The following ARNT2 variants were observed in gnomAD, a reference collection of about 807,000 sequenced individuals.
The protein encoded by ARNT2 is aryl hydrocarbon receptor nuclear translocator 2.
In ARNT2, 36 loss-of-function variants were observed where a neutral mutation model predicts 91.7. The ratio of observed to expected loss-of-function variants is 0.39; its 90% CI spans 0.30 to 0.52. The LOEUF (loss-of-function observed/expected upper bound fraction) is 0.52. Among genes scored for constraint, ARNT2 ranks in the 20% least tolerant of loss-of-function variants. The pLI is 0.72. For synonymous variants in ARNT2, 365 were observed against 347.1 expected (o/e 1.05, Z -0.57); for missense variants, 775 against 939.3 (o/e 0.83, Z 2.29).
At chr15:80,461,213 T>TAA (rs1896547322) in intron 3 of ARNT2, among the ~76,000 whole-genome samples, 1 of 152,214 alleles carries the variant, frequency 6.6e-6, no homozygotes. Flanking sequence ...TCAATGTGTA[T>TAA]AAGTGCAATT....
rs1314094657 is a variant in ARNT2 at position 80,596,072 on chromosome 15, A to C, written c.*2374A>C. The C allele has an allele frequency of 6.6e-6, 1 of 152,224 alleles. No individual in the cohort carries two copies. Among genetic ancestry groups the C allele is most frequent in the East Asian group, 1.9e-4 (1 of 5,196 alleles). 9.4% of individuals were successfully genotyped at this position (152,224 alleles called of 1,614,324 possible). ...GGTGCATACACAGACCCAGGTGAAC[A>C]CGCTGACTGTGAACCTGCCCTGTAT... On this transcript the variant is annotated 3_prime_UTR_variant, in exon 19 of 19. Transcript: ENST00000303329.
chr15:80,593,589 C>G lies in ARNT2; in HGVS notation c.2056-11C>G. 6.3e-7 allele frequency: 1 copy of G among 1,577,862 alleles called. No homozygotes were observed. The highest frequency in any genetic ancestry group is 8.6e-7 in the Non-Finnish European group (1 of 1,158,960). ...GACTCCCCTGTGGCTCTCTTTTCCT[C>G]TCCTCTGCAGGACATGCTGCCCATG... On this transcript the variant is annotated splice_polypyrimidine_tract_variant and intron_variant, in intron 18 of 18. Transcript: ENST00000303329.
intron 3 of ARNT2, among the ~76,000 whole-genome samples, chr15:80,465,367 T>C (rs888449793): frequency 6.6e-6 from 1 of 152,090 alleles, no homozygotes; most frequent in Non-Finnish European, 1.5e-5. Context: ...GGAGAAGCTT[T>C]ATGTTTATTT....
At chr15:80,578,083 G>A (rs1898715270) in intron 15 of ARNT2, among the ~76,000 whole-genome samples, 1 of 152,228 alleles carries the variant, frequency 6.6e-6, no homozygotes, top group Non-Finnish European at 1.5e-5. Context: ...CTCCGTTGAT[G>A]CCAAGCCCTG....
chr15:80,504,909 A>T (rs1897252735), intron 5 of ARNT2, among the ~76,000 whole-genome samples: 1 of 151,916 alleles, frequency 6.6e-6, no homozygotes. Context: ...GCCTGCGTGG[A>T]GTGGTGGGAT....
chr15:80,492,028 C>G (rs930073917), intron 5 of ARNT2, among the ~76,000 whole-genome samples: 1 of 151,786 alleles, frequency 6.6e-6, no homozygotes, highest in Non-Finnish European at 1.5e-5. Flanking sequence ...TGCAGAGTGT[C>G]CTTCTTTCTT....
At chr15:80,419,375 A>G (rs1214189674) in intron 1 of ARNT2, among the ~76,000 whole-genome samples, 1 of 152,232 alleles carries the variant, frequency 6.6e-6, no homozygotes, top group African/African-American at 2.4e-5. Flanking sequence ...GCTGGGCTCA[A>G]TCGCCCATTT....
At chr15:80,532,554 T>A (rs1897756251) in intron 8 of ARNT2, among the ~76,000 whole-genome samples, 1 of 152,226 alleles carries the variant, frequency 6.6e-6, no homozygotes, top group Admixed American at 6.5e-5. Flanking sequence ...AAAGGACAGA[T>A]GCATGCTTTG....
intron 5 of ARNT2, among the ~76,000 whole-genome samples, chr15:80,490,962 G>A (rs556307084): frequency 4.6e-5 from 7 of 152,192 alleles, no homozygotes; most frequent in South Asian, 2.1e-4. Context: ...TAATTTACAC[G>A]TTAGAGGTGG....
Position 80,475,110 on chromosome 15 carries a change from T to G in ARNT2, c.509T>G (p.Val170Gly). 1 of 1,614,218 alleles carries G rather than the reference T, an allele frequency of 6.2e-7. No homozygotes were observed. Among genetic ancestry groups the G allele is most frequent in the Non-Finnish European group, 8.5e-7 (1 of 1,180,050 alleles). ...VIYVSDSVTP[V>G]LNQPQSEWFG... Reference sequence around the variant, plus strand: ...TATGTGTCTGACTCCGTCACCCCTGTTCTGAACCAGCCCCAGTCAGAGTGG... The same window carrying G: ...TATGTGTCTGACTCCGTCACCCCTGGTCTGAACCAGCCCCAGTCAGAGTGG... Residue 170 changes from valine (V) to glycine (G), a missense_variant, in exon 5 of 19, where the codon GTT becomes GGT. Around this residue, in one of 5 missense-constraint regions of ARNT2, gnomAD observed 285 missense variants for 327.2 expected, o/e 0.87. Transcript: ENST00000303329.
In ARNT2 at chr15:80,551,192, A is replaced by G. The variant is rs768397282; in HGVS notation, c.878-7A>G. 19 of 1,612,904 alleles carry G rather than the reference A, an allele frequency of 1.2e-5. No individual in the cohort carries two copies. Among genetic ancestry groups the G allele is most frequent in the South Asian group, 9.9e-5 (9 of 91,032 alleles). On this transcript the variant is annotated splice_region_variant and splice_polypyrimidine_tract_variant and intron_variant, in intron 8 of 18. Transcript: ENST00000303329. Reference sequence around the variant, plus strand: ...ATTGTTGATGACACAGGTATTTCCCATTTCAGGAATGACCATACCTGAAGA... The same window carrying G: ...ATTGTTGATGACACAGGTATTTCCCGTTTCAGGAATGACCATACCTGAAGA...
intron 1 of ARNT2, among the ~76,000 whole-genome samples, chr15:80,434,803 A>G (rs1377713378): frequency 6.6e-6 from 1 of 152,122 alleles, no homozygotes; most frequent in African/African-American, 2.4e-5. Flanking sequence ...AGGATAATAG[A>G]TTGAAATAAA....
Position 80,596,709 on chromosome 15 carries a change from G to A in ARNT2, c.*3011G>A, listed in dbSNP as rs555116069. 11 of 156,892 alleles carry A rather than the reference G, an allele frequency of 7.0e-5. No homozygotes were observed. The highest frequency in any genetic ancestry group is 6.6e-3 in the Middle Eastern group (2 of 304). 9.7% of individuals were successfully genotyped at this position (156,892 alleles called of 1,614,324 possible). The stretch of plus-strand genomic sequence containing the variant: ...GTTTGACTCTGTGACTCACTTCCTC[G>A]CTCACACCTTGTTTGAACTACTGGA... On this transcript the variant is annotated 3_prime_UTR_variant, in exon 19 of 19. Transcript: ENST00000303329.
chr15:80,591,632 A>G lies in ARNT2; in HGVS notation c.1983A>G (p.Gln661=). The G allele has an allele frequency of 6.2e-7, 1 of 1,614,178 alleles. No homozygotes were observed. The highest frequency in any genetic ancestry group is 2.2e-5 in the East Asian group (1 of 44,872). The part of the protein sequence containing the change: ...GRPSEVWSQW[Q]SQHHGQQSGE... ...CCTCGGAAGTCTGGTCGCAGTGGCA[A>G]AGCCAGCACCATGGCCAGCAGAGCG... The change falls in exon 18 of 19, where the codon CAA becomes CAG. Residue 661 remains glutamine, a synonymous_variant. Transcript: ENST00000303329. This position sits in a 1 kb window ranked among gnomAD's most constrained non-coding sequence, Gnocchi z 5.1.
At chr15:80,450,767 A>G (rs1024358590) in intron 1 of ARNT2, 113 bp from the exon 2 acceptor site, 9 of 1,008,780 alleles carry the variant, frequency 8.9e-6, no homozygotes, top group Non-Finnish European at 1.4e-5. Context: ...CGCAGGATGC[A>G]GGTCCCTGGG....
intron 1 of ARNT2, among the ~76,000 whole-genome samples, chr15:80,407,579 G>A (rs1895618845): frequency 6.6e-6 from 1 of 152,138 alleles, no homozygotes. Flanking sequence ...CTCCTTCTGG[G>A]TCATTTACAG....
At chr15:80,531,836 C>T (rs866970718) in intron 8 of ARNT2, among the ~76,000 whole-genome samples, 2 of 152,210 alleles carry the variant, frequency 1.3e-5, no homozygotes, top group Non-Finnish European at 2.9e-5. Context: ...AGATGGAGAA[C>T]CTGAAGCTCC....
At chr15:80,537,982 G>A (rs551121027) in intron 8 of ARNT2, among the ~76,000 whole-genome samples, 21 of 152,328 alleles carry the variant, frequency 1.4e-4, no homozygotes, top group East Asian at 3.9e-4. Context: ...GGACACAGAC[G>A]TGGGACACAA....
At position 80,481,607 on chromosome 15, in the gene ARNT2, G is replaced by T. The variant is rs117533255; in HGVS notation, c.622+6384G>T. Among the ~76,000 whole-genome samples, 260 of 152,270 alleles carry T rather than the reference G, an allele frequency of 1.7e-3. 4 individuals carry two copies. The East Asian group carries it at 0.025, about 15-fold the overall frequency. On this transcript the variant is annotated intron_variant, in intron 5 of 18. Transcript: ENST00000303329. Reference sequence around the variant, plus strand: ...ATGCACCTGTAGCTGCAGCTACTCAGGAGGCTGAAGTGGGAGGATCGCTTG... The same window carrying T: ...ATGCACCTGTAGCTGCAGCTACTCATGAGGCTGAAGTGGGAGGATCGCTTG...
Sources: allele counts gnomAD v4.1 joint callset (sites outside exome capture counted in the v4.1 genomes callset), GRCh38; gene constraint gnomAD v4.1.1; regional missense constraint gnomAD v4.1.1; non-coding constraint Gnocchi (gnomAD v3.1); transcripts MANE v1.5; gene names NCBI Gene and HGNC (gene_info 2026-07-23, HGNC 2026-07-21).